Variants in LPAR3 observed in about 807,000 individuals in gnomAD.
LPAR3 encodes lysophosphatidic acid receptor 3.
LPAR3 carries 7 observed loss-of-function variants against 17.8 expected under a neutral mutation model. That is an observed-to-expected ratio of 0.39 (90% CI 0.22 to 0.74). LPAR3 has a LOEUF of 0.74. Ranked by LOEUF, LPAR3 falls within the 30% of genes least tolerant of loss-of-function variation. LPAR3 has a pLI of 0.40. For synonymous variants in LPAR3, 179 were observed against 179.9 expected (o/e 0.99, Z 0.04); for missense variants, 391 against 453.4 (o/e 0.86, Z 1.25).
At chr1:84,827,702 G>A (rs188097003) in intron 2 of LPAR3, among the ~76,000 whole-genome samples, 1 of 152,280 alleles carries the variant, frequency 6.6e-6, no homozygotes, top group East Asian at 1.9e-4. Context: ...GCAGATGACC[G>A]CATCTGGTAA....
chr1:84,874,546 A>G (rs1339940838), intron 1 of LPAR3, among the ~76,000 whole-genome samples: 3 of 152,242 alleles, frequency 2.0e-5, no homozygotes, highest in Non-Finnish European at 4.4e-5. Context: ...AGGAAAGCAA[A>G]CATGAAAACA....
At chr1:84,876,550 G>C (rs946404969) in intron 1 of LPAR3, among the ~76,000 whole-genome samples, 1 of 152,156 alleles carries the variant, frequency 6.6e-6, no homozygotes, top group African/African-American at 2.4e-5. Context: ...TTCAGGTTGA[G>C]AGGTGTTAAC....
At chr1:84,825,579 C>T (rs1408995618) in intron 2 of LPAR3, among the ~76,000 whole-genome samples, 1 of 152,196 alleles carries the variant, frequency 6.6e-6, no homozygotes, top group African/African-American at 2.4e-5. Flanking sequence ...CAAAGGGGCT[C>T]ACTGAACATC....
intron 2 of LPAR3, among the ~76,000 whole-genome samples, chr1:84,849,009 T>C (rs1184894319): frequency 1.3e-5 from 2 of 152,184 alleles, no homozygotes; most frequent in African/African-American, 2.4e-5. Context: ...TAAGATGCCC[T>C]AGAACCAAGG....
At chr1:84,886,307 T>C (rs1443325786) in intron 1 of LPAR3, among the ~76,000 whole-genome samples, 2 of 152,126 alleles carry the variant, frequency 1.3e-5, no homozygotes, top group African/African-American at 4.8e-5. Flanking sequence ...AGGAGGATGA[T>C]TCAAGGCTGG....
At chr1:84,868,540 C>G (rs1163978707) in intron 1 of LPAR3, among the ~76,000 whole-genome samples, 1 of 152,116 alleles carries the variant, frequency 6.6e-6, no homozygotes, top group Non-Finnish European at 1.5e-5. Context: ...TACAGAAATT[C>G]AAGACAAACA....
At chr1:84,831,180 G>T (rs1325227285) in intron 2 of LPAR3, among the ~76,000 whole-genome samples, 1 of 152,208 alleles carries the variant, frequency 6.6e-6, no homozygotes, top group Non-Finnish European at 1.5e-5. Flanking sequence ...CTCACCTTGT[G>T]TGAGACCCTG....
chr1:84,835,900 A>G (rs1052912201), intron 2 of LPAR3, among the ~76,000 whole-genome samples: 6 of 151,300 alleles, frequency 4.0e-5, no homozygotes, highest in African/African-American at 1.5e-4. Context: ...TACTTTCTAG[A>G]GCATTTTCTT....
At chr1:84,892,604 C>G (rs1489838355) in intron 1 of LPAR3, among the ~76,000 whole-genome samples, 2 of 152,174 alleles carry the variant, frequency 1.3e-5, no homozygotes, top group Admixed American at 1.3e-4. Context: ...ATGTTATATC[C>G]CTAGGCTTCA....
intron 1 of LPAR3, among the ~76,000 whole-genome samples, chr1:84,870,927 C>T (rs1036838652): frequency 6.6e-6 from 1 of 152,190 alleles, no homozygotes; most frequent in African/African-American, 2.4e-5. Flanking sequence ...GATCAAATCA[C>T]ATTAAAAGAC....
At chr1:84,884,499 G>A (rs751137600) in intron 1 of LPAR3, among the ~76,000 whole-genome samples, 1 of 152,250 alleles carries the variant, frequency 6.6e-6, no homozygotes, top group South Asian at 2.1e-4. Flanking sequence ...AGAGTTTATG[G>A]AGGAAAATCT....
intron 2 of LPAR3, among the ~76,000 whole-genome samples, chr1:84,845,662 C>A (rs962741612): frequency 6.6e-6 from 1 of 152,106 alleles, no homozygotes; most frequent in Non-Finnish European, 1.5e-5. Flanking sequence ...ACGCTCAAAC[C>A]TTTTTATGCA....
Position 84,814,464 on chromosome 1 carries a change from A to T in LPAR3, c.737-293T>A, listed in dbSNP as rs1333801071. ...TTACATTCTGCTTAGGAGGCAGTGC[A>T]CATGCATGATCTCCGTTAGTTCTCT... is the stretch of plus-strand genomic sequence containing the variant. On this transcript the variant is annotated intron_variant, in intron 2 of 2. Coordinates refer to ENST00000370611, the MANE Select transcript of LPAR3 (RefSeq NM_012152.3). 9.9e-5 allele frequency among the ~76,000 whole-genome samples: 15 copies of T among 152,196 alleles called. No homozygotes were observed. The East Asian group carries it at 2.9e-3, about 29-fold the overall frequency.
intron 2 of LPAR3, among the ~76,000 whole-genome samples, chr1:84,864,768 G>C (rs1384466504): frequency 6.6e-6 from 1 of 152,070 alleles, no homozygotes; most frequent in African/African-American, 2.4e-5. Flanking sequence ...GGGTGACAGA[G>C]TGAGTGAGGC....
intron 2 of LPAR3, among the ~76,000 whole-genome samples, chr1:84,839,014 A>C (rs1659454478): frequency 6.6e-6 from 1 of 152,228 alleles, no homozygotes; most frequent in East Asian, 1.9e-4. Flanking sequence ...CTGTTTCATG[A>C]AAATGGTAAC....
chr1:84,813,539 G>C lies in LPAR3; in HGVS notation c.*307C>G. 1 of 284,708 alleles carries C rather than the reference G, an allele frequency of 3.5e-6. No homozygotes were observed. Among genetic ancestry groups the C allele is most frequent in the Non-Finnish European group, 6.6e-6 (1 of 150,758 alleles). The allele number at this position is 284,708 out of a possible 1,614,324, so 17.6% of individuals were successfully genotyped here. On this transcript the variant is annotated 3_prime_UTR_variant, in exon 3 of 3. Transcript: ENST00000370611. ...TCATAACGTCCTTTTAAAATACAAA[G>C]AGAATGGCTACGAAATGGTGCCAGA...
At chr1:84,838,985 C>T (rs1051402535) in intron 2 of LPAR3, among the ~76,000 whole-genome samples, 2 of 152,228 alleles carry the variant, frequency 1.3e-5, no homozygotes, top group African/African-American at 4.8e-5. Context: ...CCTCAGACAC[C>T]ACCACAGGTT....
chr1:84,855,219 A>G (rs747676008), intron 2 of LPAR3, among the ~76,000 whole-genome samples: 8 of 152,240 alleles, frequency 5.3e-5, no homozygotes, highest in Non-Finnish European at 1.0e-4. Flanking sequence ...AGTAGTCCCC[A>G]GCTGAAATTT....
intron 1 of LPAR3, among the ~76,000 whole-genome samples, chr1:84,873,654 C>T (rs1660200260): frequency 6.6e-6 from 1 of 152,062 alleles, no homozygotes; most frequent in African/African-American, 2.4e-5. Flanking sequence ...TCTTCATACT[C>T]TAGATCATTT....
Sources: gnomAD v4.1 joint callset for allele counts (sites outside exome capture counted in the v4.1 genomes callset) on GRCh38, gnomAD v4.1.1 for gene constraint, MANE v1.5 for transcripts, NCBI Gene and HGNC (gene_info 2026-07-23, HGNC 2026-07-21) for gene names.